Variants in ABCC1 observed in about 807,000 individuals in gnomAD.
ABCC1 encodes the protein ATP binding cassette subfamily C member 1 (ABCC1 blood group).
Under a neutral mutation model 172.9 loss-of-function variants are expected in ABCC1, and 83 were observed. The observed-to-expected ratio is 0.48, with a 90% confidence interval of 0.40 to 0.58. ABCC1 has a LOEUF of 0.58. Ranked by LOEUF, ABCC1 falls within the 20% of genes least tolerant of loss-of-function variation. The pLI is 0.00. For missense variants in ABCC1, 1,817 were observed against 2,002.7 expected (o/e 0.91, Z 1.77); for synonymous variants, 937 against 825.2 (o/e 1.14, Z -2.32).
At chr16:16,015,341 C>T (rs924391893) in intron 4 of ABCC1, among the ~76,000 whole-genome samples, 12 of 152,012 alleles carry the variant, frequency 7.9e-5, no homozygotes, top group Non-Finnish European at 1.3e-4. Flanking sequence ...GGTTTCACCA[C>T]GTTGGCCAGG....
chr16:16,084,152 G>A (rs947523915), intron 17 of ABCC1, among the ~76,000 whole-genome samples: 6 of 152,054 alleles, frequency 3.9e-5, no homozygotes, highest in South Asian at 4.2e-4. Context: ...GCCCAGGCTG[G>A]AGTGCAGTGG....
intron 7 of ABCC1, among the ~76,000 whole-genome samples, chr16:16,041,948 T>C (rs1297206194): frequency 2.0e-5 from 3 of 151,970 alleles, no homozygotes; most frequent in African/African-American, 7.2e-5. Flanking sequence ...AATACAAAAA[T>C]TAGCCGGGTG....
intron 20 of ABCC1, 64 bp from the exon 21 acceptor site, chr16:16,106,674 G>A (rs1391629677): frequency 2.9e-5 from 46 of 1,606,362 alleles, no homozygotes; most frequent in Non-Finnish European, 2.6e-5. Flanking sequence ...AGTCCCAGCA[G>A]GGAGCCCTCC....
chr16:15,988,607 G>A (rs932418850), intron 1 of ABCC1, among the ~76,000 whole-genome samples: 1 of 152,204 alleles, frequency 6.6e-6, no homozygotes, highest in African/African-American at 2.4e-5. Context: ...TGGAGAAAAC[G>A]AGGGTGAGTG....
chr16:15,952,159 C>T (rs752907055), intron 1 of ABCC1, among the ~76,000 whole-genome samples: 17 of 152,160 alleles, frequency 1.1e-4, no homozygotes, highest in Admixed American at 7.9e-4. Flanking sequence ...TGGGTTGTTG[C>T]GAAGGGTCAA....
At chr16:15,983,401 G>A (rs2046672246) in intron 1 of ABCC1, among the ~76,000 whole-genome samples, 1 of 152,092 alleles carries the variant, frequency 6.6e-6, no homozygotes, top group African/African-American at 2.4e-5. Context: ...AGGGACTGGG[G>A]CTGTGTTTTG....
intron 14 of ABCC1, among the ~76,000 whole-genome samples, chr16:16,072,612 C>G (rs2050394447): frequency 6.6e-6 from 1 of 151,814 alleles, no homozygotes; most frequent in South Asian, 2.1e-4. Context: ...GCTGGGATGA[C>G]AGATGTGAGC....
intron 19 of ABCC1, among the ~76,000 whole-genome samples, chr16:16,099,519 C>G (rs979705168): frequency 2.6e-5 from 4 of 152,190 alleles, no homozygotes; most frequent in Admixed American, 2.0e-4. Context: ...AGGGTGTTTC[C>G]TGGAAGGATA....
chr16:15,954,864 C>T (rs1179526771), intron 1 of ABCC1, among the ~76,000 whole-genome samples: 1 of 152,166 alleles, frequency 6.6e-6, no homozygotes, highest in East Asian at 1.9e-4. Flanking sequence ...GTGGGTGTCT[C>T]CCACTGACCA....
chr16:16,100,985 G>A (rs913690191), intron 19 of ABCC1, among the ~76,000 whole-genome samples: 2 of 150,222 alleles, frequency 1.3e-5, no homozygotes, highest in African/African-American at 4.9e-5. Flanking sequence ...TTAATTTTTT[G>A]GTTTATTTTC....
In ABCC1 at chr16:16,061,776, T is replaced by C. The variant is rs892032312; in HGVS notation, c.1677+5481T>C. 1.1e-4 allele frequency among the ~76,000 whole-genome samples: 16 copies of C among 141,254 alleles called. No homozygotes were observed. The East Asian group carries it at 1.1e-3, about 10-fold the overall frequency. 92.7% of individuals were successfully genotyped at this position (141,254 alleles called of 152,430 possible). On this transcript the variant is annotated intron_variant, in intron 12 of 30. Transcript: ENST00000399410. ...TGGCTTTTTTTTTCTTTTTTTCTTT[T>C]TTTTTTTTTTTTTTTGAGATGGGGT...
intron 22 of ABCC1, 68 bp from the exon 23 acceptor site, chr16:16,114,698 A>G (rs1279126394): frequency 4.8e-6 from 7 of 1,469,126 alleles, no homozygotes; most frequent in Non-Finnish European, 4.6e-6. Flanking sequence ...CCACATGGCC[A>G]CTCCTCCCTG....
At chr16:16,050,729 CAAAAAAAAAA>C (rs35207136) in intron 10 of ABCC1, among the ~76,000 whole-genome samples, 1 of 66,614 alleles carries the variant, frequency 1.5e-5, no homozygotes. Context: ...CCTGTCTCTA[CAAAAAAAAAA>C]AAAAAAAAAA....
At chr16:16,056,611 G>A in intron 12 of ABCC1, 1 of 399,598 alleles carries the variant, frequency 2.5e-6, no homozygotes, top group Non-Finnish European at 4.6e-6. Flanking sequence ...GACGGTTGGA[G>A]TGGGCCAAGA....
chr16:15,974,875 C>T (rs2046448742), intron 1 of ABCC1, among the ~76,000 whole-genome samples: 1 of 152,216 alleles, frequency 6.6e-6, no homozygotes, highest in African/African-American at 2.4e-5. Flanking sequence ...TAGCCTCCGT[C>T]TCCTGGGTTC....
chr16:16,021,132 G>A (rs181726405), intron 5 of ABCC1, among the ~76,000 whole-genome samples: 48 of 152,236 alleles, frequency 3.2e-4, no homozygotes, highest in African/African-American at 1.1e-3. Context: ...ATGGGGAGGT[G>A]CTCAGTACAT....
At chr16:16,026,992 A>G (rs532442034) in intron 5 of ABCC1, among the ~76,000 whole-genome samples, 214 of 152,162 alleles carry the variant, frequency 1.4e-3, no homozygotes, top group Non-Finnish European at 2.6e-3. Flanking sequence ...CAGGTTTTCT[A>G]CCAGTGGCTG....
At chr16:16,051,829 G>A (rs1236323566) in intron 10 of ABCC1, among the ~76,000 whole-genome samples, 1 of 152,202 alleles carries the variant, frequency 6.6e-6, no homozygotes, top group African/African-American at 2.4e-5. Context: ...TGGAAACCCT[G>A]TAAGTATGCA....
intron 1 of ABCC1, among the ~76,000 whole-genome samples, chr16:15,989,790 C>T (rs543131221): frequency 3.1e-4 from 47 of 152,242 alleles, no homozygotes; most frequent in African/African-American, 8.7e-4. Context: ...TCATAGACTG[C>T]TAGGGTGATA....
Sources: gnomAD v4.1 joint callset for allele counts (sites outside exome capture counted in the v4.1 genomes callset) on GRCh38, gnomAD v4.1.1 for gene constraint, MANE v1.5 for transcripts, NCBI Gene and HGNC (gene_info 2026-07-23, HGNC 2026-07-21) for gene names.